The following TENM3 variants were observed in gnomAD, a reference collection of about 807,000 sequenced individuals.
The protein encoded by TENM3 is teneurin-3.
In TENM3, 63 loss-of-function variants were observed where a neutral mutation model predicts 255.1. That is an observed-to-expected ratio of 0.25 (90% CI 0.20 to 0.30). TENM3 has a LOEUF of 0.30. Among genes scored for constraint, TENM3 ranks in the 10% least tolerant of loss-of-function variants. The pLI is 1.00. For synonymous variants in TENM3, 1,306 were observed against 1,322.3 expected (o/e 0.99, Z 0.27); for missense variants, 2,929 against 3,461.1 (o/e 0.85, Z 3.86).
chr4:182,184,050 A>G (rs1057445772), intron 1 of TENM3, among the ~76,000 whole-genome samples: 5 of 152,208 alleles, frequency 3.3e-5, no homozygotes, highest in Non-Finnish European at 4.4e-5. Flanking sequence ...TAAGTTTTGT[A>G]AAAAGCTGAC....
the TENM3 span, among the ~76,000 whole-genome samples, chr4:181,472,454 G>C: frequency 6.6e-6 from 1 of 151,248 alleles, no homozygotes; most frequent in Non-Finnish European, 1.5e-5. Flanking sequence ...GAGCAGGAAG[G>C]GTGGGCCCCC....
chr4:181,791,117 TA>T, the TENM3 span, among the ~76,000 whole-genome samples: 1 of 152,238 alleles, frequency 6.6e-6, no homozygotes, highest in Non-Finnish European at 1.5e-5. Context: ...GAGCTGTTTT[TA>T]AAGCTCAGGG....
chr4:182,799,498 G>A lies in TENM3; in HGVS notation c.7345-98G>A. On this transcript the variant is annotated intron_variant, in intron 27 of 27. Transcript: ENST00000511685. The surrounding 1 kb of genome is among the most constrained non-coding windows in gnomAD (Gnocchi z 4.2). Reference sequence around the variant, plus strand: ...CAGGGAAGGACCCCGGGGCTTCCATGCATGCCCCGGCGCTGCCCCCAGAGT... The same window carrying A: ...CAGGGAAGGACCCCGGGGCTTCCATACATGCCCCGGCGCTGCCCCCAGAGT... The A allele has an allele frequency of 6.9e-7, 1 of 1,455,268 alleles. No individual in the cohort carries two copies. The highest frequency in any genetic ancestry group is 9.1e-7 in the Non-Finnish European group (1 of 1,103,106). The allele number at this position is 1,455,268 out of a possible 1,614,324, so 90.1% of individuals were successfully genotyped here.
At position 182,594,114 on chromosome 4, in the gene TENM3, T is replaced by TTGCCA; in HGVS notation, c.512-6810_512-6809insTGCCA. Among the ~76,000 whole-genome samples, 5 of 152,346 alleles carry TTGCCA rather than the reference T, an allele frequency of 3.3e-5. 2 individuals are homozygous for TTGCCA. The Middle Eastern group carries it at 0.01, about 311-fold the overall frequency. On this transcript the variant is annotated intron_variant, in intron 3 of 27. Transcript: ENST00000511685. ...ATGACTATGAGATCAAATTCCTTCC[T>TTGCCA]GTGTGAGAACTGGCAAGAGGTTAGT...
chr4:182,141,579 T>G (rs1749432616), upstream of TENM3: 1 of 152,194 alleles, frequency 6.6e-6, no homozygotes, highest in African/African-American at 2.4e-5. Context: ...CCCTGCGCGC[T>G]TTGTCCACCA....
At chr4:181,958,706 C>A in the TENM3 span, among the ~76,000 whole-genome samples, 8 of 152,044 alleles carry the variant, frequency 5.3e-5, no homozygotes, top group African/African-American at 1.9e-4. Flanking sequence ...GGAGTTGATC[C>A]CCAAGAGAAA....
intron 1 of TENM3, among the ~76,000 whole-genome samples, chr4:182,302,052 C>G (rs968593312): frequency 6.6e-6 from 1 of 152,052 alleles, no homozygotes; most frequent in African/African-American, 2.4e-5. Context: ...TTTTATCAAC[C>G]CTGCTAGCCA....
chr4:182,241,535 T>TTTTTTTTTTTTTTC (rs397967891), upstream of TENM3, among the ~76,000 whole-genome samples: 1 of 148,748 alleles, frequency 6.7e-6, no homozygotes, highest in African/African-American at 2.5e-5. Flanking sequence ...TTTTTTTTTT[T>TTTTTTTTTTTTTTC]GTGAGGCGGA....
chr4:181,770,384 G>A, the TENM3 span, among the ~76,000 whole-genome samples: 1 of 152,172 alleles, frequency 6.6e-6, no homozygotes, highest in Non-Finnish European at 1.5e-5. Flanking sequence ...TCTTAAGAGT[G>A]AGGAAGTTGG....
chr4:181,888,597 T>C, the TENM3 span, among the ~76,000 whole-genome samples: 1 of 126,912 alleles, frequency 7.9e-6, no homozygotes, highest in Non-Finnish European at 1.6e-5. Flanking sequence ...TATGCGTGTG[T>C]GTGTGTGTGT....
At chr4:182,481,394 ATC>A (rs1734186770) in intron 3 of TENM3, among the ~76,000 whole-genome samples, 1 of 152,190 alleles carries the variant, frequency 6.6e-6, no homozygotes, top group Non-Finnish European at 1.5e-5. Context: ...CCTGTTAGTT[ATC>A]TGTTTTAAAC....
At chr4:181,505,355 C>G in the TENM3 span, among the ~76,000 whole-genome samples, 6 of 152,316 alleles carry the variant, frequency 3.9e-5, no homozygotes, top group African/African-American at 1.4e-4. Flanking sequence ...TGGCACCCAA[C>G]AGTAAATAAT....
intron 3 of TENM3, among the ~76,000 whole-genome samples, chr4:182,402,126 C>A (rs987714919): frequency 2.0e-5 from 3 of 152,194 alleles, no homozygotes; most frequent in African/African-American, 7.2e-5. Flanking sequence ...CATGAAGGGC[C>A]ATTTGCTAAT....
At chr4:182,636,142 G>T (rs914145564) in intron 5 of TENM3, among the ~76,000 whole-genome samples, 18 of 152,080 alleles carry the variant, frequency 1.2e-4, no homozygotes, top group African/African-American at 4.3e-4. Flanking sequence ...ATGCGTTTTT[G>T]TCTGAGATGG....
intron 27 of TENM3, 74 bp downstream of exon 27, chr4:182,796,841 C>A: frequency 8.3e-7 from 1 of 1,206,592 alleles, no homozygotes; most frequent in Non-Finnish European, 1.1e-6. Flanking sequence ...ATCAAACTAC[C>A]CTTGTGAAAA....
the TENM3 span, among the ~76,000 whole-genome samples, chr4:181,803,795 G>A: frequency 2.0e-5 from 3 of 151,860 alleles, no homozygotes; most frequent in African/African-American, 7.3e-5. Flanking sequence ...AATTAGCCAG[G>A]TGTGGTGGCA....
the TENM3 span, among the ~76,000 whole-genome samples, chr4:181,800,569 G>T: frequency 6.6e-6 from 1 of 152,092 alleles, no homozygotes; most frequent in Admixed American, 6.5e-5. Flanking sequence ...GGAGGTGGAG[G>T]TTGCAGTGAG....
At chr4:182,507,302 C>G (rs1353439996) in intron 3 of TENM3, among the ~76,000 whole-genome samples, 2 of 152,164 alleles carry the variant, frequency 1.3e-5, no homozygotes, top group Non-Finnish European at 2.9e-5. Flanking sequence ...CATTAGGTCC[C>G]ATAATCTCTG....
At chr4:182,744,489 G>A (rs1761861618) in intron 19 of TENM3, among the ~76,000 whole-genome samples, 1 of 152,128 alleles carries the variant, frequency 6.6e-6, no homozygotes, top group Admixed American at 6.5e-5. Context: ...ATGTTGAACA[G>A]CATGAAACCT....
Sources: allele counts gnomAD v4.1 joint callset (sites outside exome capture counted in the v4.1 genomes callset), GRCh38; gene constraint gnomAD v4.1.1; non-coding constraint Gnocchi (gnomAD v3.1); transcripts MANE v1.5; gene names NCBI Gene and HGNC (gene_info 2026-07-23, HGNC 2026-07-21).